STARD13: variants seen among roughly 807,000 people sequenced by gnomAD.
STARD13 encodes the protein StAR related lipid transfer domain containing 13.
Under a neutral mutation model 106.4 loss-of-function variants are expected in STARD13, and 62 were observed. The observed-to-expected ratio is 0.58, with a 90% CI of 0.48 to 0.72. STARD13 has a LOEUF of 0.72. STARD13 is among the 30% of genes least tolerant of loss of function. The pLI is 0.00. For missense variants in STARD13, 1,387 were observed against 1,424.0 expected (o/e 0.97, Z 0.42); for synonymous variants, 565 against 553.0 (o/e 1.02, Z -0.31).
At chr13:33,655,209 G>A in the STARD13 span, among the ~76,000 whole-genome samples, 3 of 152,198 alleles carry the variant, frequency 2.0e-5, no homozygotes, top group African/African-American at 4.8e-5. Flanking sequence ...CTCTTTAGTG[G>A]ATGGGCATAA....
rs540436926 is a variant in STARD13, at chr13:33,185,649, G to A, written c.170-18027C>T. ...ATCGACCCTCCAACTCCCATCCTCT[G>A]TTCCCTATAGGCAATTTTCCCACTG... is the stretch of plus-strand genomic sequence containing the variant. On this transcript the variant is annotated intron_variant, in intron 1 of 13. Coordinates refer to ENST00000336934, the MANE Select transcript of STARD13 (RefSeq NM_178006.4). Among the ~76,000 whole-genome samples the A allele has an allele frequency of 2.0e-5, 3 of 152,208 alleles. No individual in the cohort carries two copies. The South Asian group carries it at 6.2e-4, about 32-fold the overall frequency.
At chr13:33,660,272 A>G in the STARD13 span, among the ~76,000 whole-genome samples, 2 of 152,194 alleles carry the variant, frequency 1.3e-5, no homozygotes, top group African/African-American at 2.4e-5. Context: ...AAATAGTGCT[A>G]TTATCTGTGT....
the STARD13 span, among the ~76,000 whole-genome samples, chr13:33,369,068 AAC>A: frequency 0.16 from 24,583 of 151,950 alleles, 2,116 homozygotes; most frequent in Middle Eastern, 0.23. Context: ...CAACTAAACA[AAC>A]AAATAATTTT....
the STARD13 span, among the ~76,000 whole-genome samples, chr13:33,555,635 C>T: frequency 6.6e-6 from 1 of 152,116 alleles, no homozygotes; most frequent in Non-Finnish European, 1.5e-5. Context: ...GGATGGTGAT[C>T]TAATGGAAAG....
the STARD13 span, among the ~76,000 whole-genome samples, chr13:33,405,149 A>G: frequency 2.6e-5 from 4 of 152,134 alleles, no homozygotes; most frequent in Non-Finnish European, 4.4e-5. Flanking sequence ...ACTGCACACA[A>G]TCCCCGCCTC....
chr13:33,115,142 A>G (rs955719122), intron 8 of STARD13, among the ~76,000 whole-genome samples: 2 of 152,180 alleles, frequency 1.3e-5, no homozygotes, highest in Non-Finnish European at 2.9e-5. Context: ...TCCCTCCTCC[A>G]GATGGGTAGG....
rs1888437598 is a variant in STARD13 at position 33,223,002 on chromosome 13, GA to G, written c.170-55381del. Among the ~76,000 whole-genome samples the G allele has an allele frequency of 2.0e-5, 3 of 152,214 alleles. No homozygotes were observed. In the South Asian group the frequency reaches 6.2e-4, roughly 31 times the overall value. On this transcript the variant is annotated intron_variant, in intron 1 of 13. Transcript: ENST00000336934. ...TTGGTAAATACGATAACTTTCAAAG[GA>G]AAAGAAGGGTTAGGAATCCATCTGC...
At chr13:33,427,930 G>A in the STARD13 span, among the ~76,000 whole-genome samples, 9,236 of 147,774 alleles carry the variant, frequency 0.063, 669 homozygotes, top group African/African-American at 0.18. Context: ...ACTCCAGCCT[G>A]GGCAACAACA....
intron 4 of STARD13, among the ~76,000 whole-genome samples, chr13:33,136,544 C>T (rs537664392): frequency 1.7e-4 from 26 of 152,310 alleles, no homozygotes; most frequent in Non-Finnish European, 2.8e-4. Flanking sequence ...CATATACCTA[C>T]CTTTCCCTAA....
At chr13:33,564,830 A>G in the STARD13 span, among the ~76,000 whole-genome samples, 1 of 145,566 alleles carries the variant, frequency 6.9e-6, no homozygotes, top group Non-Finnish European at 1.5e-5. Flanking sequence ...TGTCTCTACT[A>G]AAAATACAAA....
the STARD13 span, among the ~76,000 whole-genome samples, chr13:33,412,835 G>A: frequency 6.6e-5 from 10 of 152,132 alleles, no homozygotes; most frequent in South Asian, 1.5e-3. Context: ...GAACAAAAAG[G>A]AAAAATAGGC....
the STARD13 span, among the ~76,000 whole-genome samples, chr13:33,605,553 TA>T: frequency 2.0e-4 from 31 of 152,252 alleles, no homozygotes; most frequent in South Asian, 4.1e-4. Context: ...TAACAGGTTT[TA>T]AGCACTTACT....
the STARD13 span, among the ~76,000 whole-genome samples, chr13:33,673,269 C>T: frequency 6.6e-6 from 1 of 152,060 alleles, no homozygotes; most frequent in Admixed American, 6.6e-5. Context: ...TCCCTTTGAC[C>T]TATTTTACTA....
chr13:33,206,766 AC>A (rs1887442430), intron 1 of STARD13, among the ~76,000 whole-genome samples: 1 of 152,226 alleles, frequency 6.6e-6, no homozygotes. Context: ...ACTTTCGTAT[AC>A]TGCATGCTCG....
the STARD13 span, among the ~76,000 whole-genome samples, chr13:33,391,480 T>G: frequency 6.6e-6 from 1 of 152,182 alleles, no homozygotes; most frequent in Non-Finnish European, 1.5e-5. Context: ...TACACAAGGC[T>G]GATATACAAG....
At chr13:33,578,119 C>A in the STARD13 span, among the ~76,000 whole-genome samples, 1 of 152,030 alleles carries the variant, frequency 6.6e-6, no homozygotes, top group African/African-American at 2.4e-5. Flanking sequence ...TATTAAAATA[C>A]CAACATCATT....
the STARD13 span, among the ~76,000 whole-genome samples, chr13:33,502,600 G>A: frequency 6.6e-6 from 1 of 152,164 alleles, no homozygotes. Flanking sequence ...ATGAAGGGCT[G>A]TTGAATTTTG....
chr13:33,540,967 A>G, the STARD13 span, among the ~76,000 whole-genome samples: 12 of 152,200 alleles, frequency 7.9e-5, no homozygotes, highest in Admixed American at 7.2e-4. Flanking sequence ...CCATGGTTTG[A>G]GTTTTGCCAG....
the STARD13 span, among the ~76,000 whole-genome samples, chr13:33,514,912 T>C: frequency 6.6e-6 from 1 of 151,968 alleles, no homozygotes; most frequent in South Asian, 2.1e-4. Flanking sequence ...CTTCTAGAAC[T>C]GGTGGGCAGA....
Sources: allele counts gnomAD v4.1 joint callset (sites outside exome capture counted in the v4.1 genomes callset), GRCh38; gene constraint gnomAD v4.1.1; transcripts MANE v1.5; gene names NCBI Gene and HGNC (gene_info 2026-07-23, HGNC 2026-07-21).